FAM169A: variants seen among roughly 807,000 people sequenced by gnomAD.
FAM169A encodes the protein soluble lamin-associated protein of 75 kDa.
FAM169A carries 24 observed loss-of-function variants against 75.7 expected under a neutral mutation model. The observed-to-expected ratio is 0.32, with a 90% CI of 0.23 to 0.45. The LOEUF (loss-of-function observed/expected upper bound fraction) is 0.45, where lower values mean the gene tolerates loss of function less well. Among genes scored for constraint, FAM169A ranks in the 20% least tolerant of loss-of-function variants. The pLI is 1.00. For missense variants in FAM169A, 673 were observed against 784.0 expected (o/e 0.86, Z 1.69); for synonymous variants, 271 against 271.0 (o/e 1.00, Z 0.00).
intron 1 of FAM169A, 45 bp from the exon 2 acceptor site, chr5:74,841,724 C>A: frequency 6.6e-7 from 1 of 1,524,922 alleles, no homozygotes; most frequent in South Asian, 1.2e-5. Context: ...TATGAAACGC[C>A]ATCTTCCTTT....
At chr5:74,832,328 A>G (rs570274880) in intron 5 of FAM169A, among the ~76,000 whole-genome samples, 6 of 152,058 alleles carry the variant, frequency 3.9e-5, no homozygotes, top group African/African-American at 1.4e-4. Flanking sequence ...TCTCACAGTG[A>G]TCTATTTCAG....
chr5:74,851,348 A>T (rs1050093011), intron 1 of FAM169A, among the ~76,000 whole-genome samples: 1 of 152,212 alleles, frequency 6.6e-6, no homozygotes, highest in Non-Finnish European at 1.5e-5. Flanking sequence ...ACAAAATATC[A>T]ATTTTTAGTG....
intron 5 of FAM169A, among the ~76,000 whole-genome samples, chr5:74,823,344 C>T (rs1025665498): frequency 6.6e-6 from 1 of 152,060 alleles, no homozygotes; most frequent in African/African-American, 2.4e-5. Context: ...ATGTTCTTTC[C>T]CTTCCCCCTT....
intron 10 of FAM169A, among the ~76,000 whole-genome samples, chr5:74,796,493 C>T (rs562215503): frequency 2.0e-5 from 3 of 152,056 alleles, no homozygotes; most frequent in South Asian, 2.1e-4. Flanking sequence ...GCAACCTCCA[C>T]CTCCCAGGTT....
chr5:74,799,132 GA>G, intron 10 of FAM169A: 1 of 1,009,164 alleles, frequency 9.9e-7, no homozygotes. Flanking sequence ...GAAAGCTCAC[GA>G]ACTCAAGGAG....
intron 1 of FAM169A, 71 bp downstream of exon 1, chr5:74,866,094 G>GGGCGCGGGGCCC (rs1351508846): frequency 1.3e-6 from 1 of 786,708 alleles, no homozygotes; most frequent in African/African-American, 1.9e-5. Context: ...GTGCTGGCGG[G>GGGCGCGGGGCCC]GGCGCGGGGC....
intron 5 of FAM169A, among the ~76,000 whole-genome samples, chr5:74,814,951 T>G (rs1042972206): frequency 3.3e-5 from 5 of 152,176 alleles, no homozygotes; most frequent in Non-Finnish European, 7.3e-5. Context: ...ACTCCAATAA[T>G]GTAGTTCAAA....
In FAM169A at chr5:74,782,004, G is replaced by A; in HGVS notation, c.1469C>T (p.Pro490Leu). The A allele has an allele frequency of 6.3e-7, 1 of 1,597,458 alleles. No homozygotes were observed. Among genetic ancestry groups the A allele is most frequent in the Non-Finnish European group, 8.5e-7 (1 of 1,171,020 alleles). The change falls in exon 13 of 13, where the codon CCA becomes CTA. Residue 490 changes from proline to leucine, a missense_variant. Transcript: ENST00000687041. ...CAACATTTCTGAGTCAGGTATACGT[G>A]GGGTCTGAAAATTAAAAACCTGGTC... is the stretch of plus-strand genomic sequence containing the variant. The part of the protein sequence containing the change: ...PPEVDAPDKT[P>L]RIPDSEMLMD...
intron 6 of FAM169A, among the ~76,000 whole-genome samples, chr5:74,812,603 G>C (rs1030905290): frequency 4.0e-5 from 6 of 151,806 alleles, no homozygotes; most frequent in African/African-American, 1.5e-4. Context: ...TTGTATGTCT[G>C]AAATTTATTT....
At chr5:74,814,064 A>C in intron 5 of FAM169A, 45 bp from the exon 6 acceptor site, 1 of 1,413,980 alleles carries the variant, frequency 7.1e-7, no homozygotes, top group Non-Finnish European at 9.4e-7. Context: ...CACATTAAAA[A>C]ATATACATAC....
intron 6 of FAM169A, among the ~76,000 whole-genome samples, chr5:74,806,124 C>G (rs1283064707): frequency 6.6e-6 from 1 of 151,836 alleles, no homozygotes; most frequent in Non-Finnish European, 1.5e-5. Flanking sequence ...ATTGAAACAA[C>G]CTAGTATTGA....
Position 74,781,397 on chromosome 5 carries a change from C to T in FAM169A, c.*63G>A. On this transcript the variant is annotated 3_prime_UTR_variant, in exon 13 of 13. Transcript: ENST00000687041. ...GTGCCCCATGCTGTTTATTAATTAC[C>T]ATATTTTAAAAACAACAACTATGTT... The T allele has an allele frequency of 2.0e-6, 3 of 1,481,062 alleles. No individual in the cohort carries two copies. The highest frequency in any genetic ancestry group is 2.8e-6 in the Non-Finnish European group (3 of 1,088,532). The allele number at this position is 1,481,062 out of a possible 1,614,324, so 91.7% of individuals were successfully genotyped here.
In FAM169A at chr5:74,814,032, G is replaced by A; in HGVS notation, c.491-13C>T. 6.8e-7 allele frequency: 1 copy of A among 1,479,898 alleles called. No individual in the cohort carries two copies. The highest frequency in any genetic ancestry group is 9.0e-7 in the Non-Finnish European group (1 of 1,116,340). 91.7% of individuals were successfully genotyped at this position (1,479,898 alleles called of 1,614,324 possible). On this transcript the variant is annotated splice_polypyrimidine_tract_variant and intron_variant, in intron 5 of 12. Coordinates refer to ENST00000687041, the MANE Select transcript of FAM169A (RefSeq NM_001376049.1). ...GCACATATGCTTCCTGCAGTAATAA[G>A]AACAGAAACCCAATAATTTCTCACA...
intron 1 of FAM169A, among the ~76,000 whole-genome samples, chr5:74,859,768 A>T (rs1330379392): frequency 6.6e-6 from 1 of 152,168 alleles, no homozygotes; most frequent in Non-Finnish European, 1.5e-5. Flanking sequence ...CTATAATCCC[A>T]GCACTTTGGG....
At chr5:74,866,571 GC>G, upstream of FAM169A, 2 of 520,850 alleles carry the variant, frequency 3.8e-6, no homozygotes, top group Non-Finnish European at 4.9e-6. Flanking sequence ...GCGTCACGCG[GC>G]CCCCGCCTCG....
chr5:74,839,181 G>A, intron 3 of FAM169A, 131 bp from the exon 4 acceptor site: 1 of 644,112 alleles, frequency 1.6e-6, no homozygotes, highest in Non-Finnish European at 2.7e-6. Flanking sequence ...TTACCAAATA[G>A]TAATATTGTA....
chr5:74,793,168 T>C (rs1746065669), intron 11 of FAM169A, among the ~76,000 whole-genome samples: 1 of 151,798 alleles, frequency 6.6e-6, no homozygotes, highest in African/African-American at 2.4e-5. Context: ...CTACTACAAA[T>C]ACAAAAACTA....
intron 5 of FAM169A, among the ~76,000 whole-genome samples, chr5:74,826,614 T>C (rs148895889): frequency 6.6e-6 from 1 of 152,332 alleles, no homozygotes; most frequent in Non-Finnish European, 1.5e-5. Context: ...GAAGATGTTA[T>C]TTCTGACATA....
chr5:74,844,149 T>A (rs1345696157), intron 1 of FAM169A, among the ~76,000 whole-genome samples: 1 of 152,200 alleles, frequency 6.6e-6, no homozygotes. Flanking sequence ...TCCGGATTTA[T>A]TTACTCTTGA....
Sources: allele counts gnomAD v4.1 joint callset (sites outside exome capture counted in the v4.1 genomes callset), GRCh38; gene constraint gnomAD v4.1.1; transcripts MANE v1.5; gene names NCBI Gene and HGNC (gene_info 2026-07-23, HGNC 2026-07-21).